THAP9: variants seen among roughly 807,000 people sequenced by gnomAD.
THAP9 encodes THAP domain containing 9.
THAP9 carries 20 observed loss-of-function variants against 35.7 expected under a neutral mutation model. The observed-to-expected ratio is 0.56, with a 90% confidence interval of 0.39 to 0.81. THAP9 has a LOEUF of 0.81. Among genes scored for constraint, THAP9 ranks in the 40% least tolerant of loss-of-function variants. The pLI is 0.00. For synonymous variants in THAP9, 335 were observed against 373.7 expected (o/e 0.90, Z 1.19); for missense variants, 870 against 1,047.4 (o/e 0.83, Z 2.34).
chr4:82,903,386 T>G (rs112115877), intron 1 of THAP9: 1 of 152,226 alleles, frequency 6.6e-6, no homozygotes, highest in South Asian at 2.1e-4. Context: ...CAGGCCCGGC[T>G]AATTTTTGTA....
intron 4 of THAP9, among the ~76,000 whole-genome samples, chr4:82,910,497 A>G (rs920364067): frequency 6.6e-6 from 1 of 150,512 alleles, no homozygotes; most frequent in Admixed American, 6.6e-5. Context: ...TGTTATATTA[A>G]TGGTATATAG....
chr4:82,913,969 T>C (rs1309818509), intron 4 of THAP9, among the ~76,000 whole-genome samples: 1 of 152,042 alleles, frequency 6.6e-6, no homozygotes. Flanking sequence ...ACTCCTGACC[T>C]CAGGTCATCT....
At position 82,900,992 on chromosome 4, in the gene THAP9, A is replaced by T. The variant is rs897258183; in HGVS notation, c.80+110A>T. On this transcript the variant is annotated intron_variant, in intron 1 of 4. Coordinates refer to ENST00000302236, the MANE Select transcript of THAP9 (RefSeq NM_024672.6). ...CACTGTGGGTCGCGCCGCGTGTGTGACGCGACGTGACGTGCGCAGCGTCGG... is the reference window on the plus strand; with the variant it reads ...CACTGTGGGTCGCGCCGCGTGTGTGTCGCGACGTGACGTGCGCAGCGTCGG... The T allele has an allele frequency of 1.7e-5, 22 of 1,265,266 alleles. No individual in the cohort carries two copies. The Middle Eastern group carries it at 3.0e-3, about 170-fold the overall frequency. The allele number at this position is 1,265,266 out of a possible 1,614,324, so 78.4% of individuals were successfully genotyped here.
At position 82,906,589 on chromosome 4, in the gene THAP9, C is replaced by G. The variant is rs779461904; in HGVS notation, c.542C>G (p.Ser181Cys). The G allele has an allele frequency of 3.1e-6, 5 of 1,609,802 alleles. No individual in the cohort carries two copies. Among genetic ancestry groups the G allele is most frequent in the Non-Finnish European group, 4.2e-6 (5 of 1,177,794 alleles). Residue 181 changes from serine (S) to cysteine (C), a missense_variant, in exon 3 of 5, where the codon TCT becomes TGT. This residue lies in a region of THAP9 where 440 missense variants were observed against 501.2 expected (regional missense o/e 0.88). Coordinates refer to ENST00000302236, the MANE Select transcript of THAP9 (RefSeq NM_024672.6). ...IDALVEEKLL[S>C]EETECLLRAQ... is the part of the protein sequence containing the mutation. ...GCACTTGTAGAAGAGAAACTACTTTCTGAAGAAACAGAGTGTCTGCTACGA... is the reference window on the plus strand; with the variant it reads ...GCACTTGTAGAAGAGAAACTACTTTGTGAAGAAACAGAGTGTCTGCTACGA...
intron 1 of THAP9, among the ~76,000 whole-genome samples, chr4:82,901,365 G>C (rs981238778): frequency 3.9e-5 from 6 of 152,122 alleles, no homozygotes; most frequent in African/African-American, 1.4e-4. Context: ...AGTTTCATTT[G>C]GCTCGACAGT....
At chr4:82,908,771 T>C (rs1349192475) in intron 4 of THAP9, among the ~76,000 whole-genome samples, 1 of 152,166 alleles carries the variant, frequency 6.6e-6, no homozygotes, top group Non-Finnish European at 1.5e-5. Flanking sequence ...CTATTTTGTA[T>C]TTTTAGTAGA....
At position 82,919,851 on chromosome 4, in the gene THAP9, CTT is replaced by C. The variant is rs1421068791; in HGVS notation, c.*932_*933del. The C allele has an allele frequency of 1.3e-5, 2 of 152,182 alleles. No homozygotes were observed. The highest frequency in any genetic ancestry group is 2.9e-5 in the Non-Finnish European group (2 of 68,024). The allele number at this position is 152,182 out of a possible 1,614,324, so 9.4% of individuals were successfully genotyped here. ...TCACCTGTGTTGTAAAACATCTACTCTTTTTTGTCACTGAATAAGTGTTCCCA... is the reference window on the plus strand; with the variant it reads ...TCACCTGTGTTGTAAAACATCTACTCTTTTGTCACTGAATAAGTGTTCCCA... On this transcript the variant is annotated 3_prime_UTR_variant, in exon 5 of 5. Coordinates refer to ENST00000302236, the MANE Select transcript of THAP9 (RefSeq NM_024672.6).
At chr4:82,914,077 G>T (rs1720960703) in intron 4 of THAP9, among the ~76,000 whole-genome samples, 1 of 152,184 alleles carries the variant, frequency 6.6e-6, no homozygotes, top group Non-Finnish European at 1.5e-5. Context: ...TTGAGAACAT[G>T]CAGTATTTGG....
At position 82,918,284 on chromosome 4, in the gene THAP9, G is replaced by T. The variant is rs1173969644; in HGVS notation, c.2072G>T (p.Gly691Val). ...SVTKTVFHEE[G>V]ICQDWSHCSL... ...ACAAAGACTGTCTTTCACGAAGAGG[G>T]TATTTGTCAAGACTGGTCTCATTGT... is the stretch of plus-strand genomic sequence containing the variant. The change falls in exon 5 of 5, where the codon GGT becomes GTT. Residue 691 changes from glycine to valine, a missense_variant. Transcript: ENST00000302236. The T allele has an allele frequency of 4.3e-6, 7 of 1,614,036 alleles. No homozygotes were observed. The African/African-American group carries it at 5.3e-5, about 12-fold the overall frequency.
rs1374366494 is a variant in THAP9, at chr4:82,906,646, C to G, written c.580+19C>G. 2 of 1,539,872 alleles carry G rather than the reference C, an allele frequency of 1.3e-6. No homozygotes were observed. The highest frequency in any genetic ancestry group is 1.7e-6 in the Non-Finnish European group (2 of 1,145,118). On this transcript the variant is annotated intron_variant, in intron 3 of 4. Transcript: ENST00000302236. The stretch of plus-strand genomic sequence containing the variant: ...TTTTCAGGTACTTCCCCCTAGTAAC[C>G]TGTAGTATTTACAAAAATAGCTATT...
chr4:82,906,219 C>G (rs1325269039), intron 2 of THAP9, 105 bp from the exon 3 acceptor site: 4 of 929,410 alleles, frequency 4.3e-6, no homozygotes, highest in Non-Finnish European at 6.3e-6. Context: ...TCCTAACTAA[C>G]TCTCCACAGC....
chr4:82,909,440 G>GTGTGTA (rs10693899), intron 4 of THAP9, among the ~76,000 whole-genome samples: 1 of 151,660 alleles, frequency 6.6e-6, no homozygotes, highest in African/African-American at 2.4e-5. Context: ...GTGTGTGTGT[G>GTGTGTA]CACTTAGATT....
chr4:82,916,866 T>A, intron 4 of THAP9, 78 bp from the exon 5 acceptor site: 2 of 1,333,468 alleles, frequency 1.5e-6, no homozygotes, highest in Non-Finnish European at 2.0e-6. Flanking sequence ...GGGAGACTAC[T>A]TTAATAGTGC....
rs1398163505 is a variant in THAP9, at chr4:82,906,559, T to C, written c.512T>C (p.Ile171Thr). 1 of 1,613,110 alleles carries C rather than the reference T, an allele frequency of 6.2e-7. No individual in the cohort carries two copies. The highest frequency in any genetic ancestry group is 2.2e-5 in the East Asian group (1 of 44,848). ...AAGAAGAGAAAGGGTTTACGATTAATTGATGCACTTGTAGAAGAGAAACTA... is the reference window on the plus strand; with the variant it reads ...AAGAAGAGAAAGGGTTTACGATTAACTGATGCACTTGTAGAAGAGAAACTA... ...MIKKRKGLRL[I>T]DALVEEKLLS... Residue 171 changes from isoleucine (I) to threonine (T), a missense_variant, in exon 3 of 5, where the codon ATT (isoleucine) becomes ACT (threonine). Transcript: ENST00000302236.
intron 3 of THAP9, 80 bp from the exon 4 acceptor site, chr4:82,907,705 C>T: frequency 9.7e-7 from 1 of 1,029,432 alleles, no homozygotes; most frequent in South Asian, 1.8e-5. Flanking sequence ...ATGCCCAGTG[C>T]ATTTTATATC....
At chr4:82,914,405 C>T (rs1720972766) in intron 4 of THAP9, among the ~76,000 whole-genome samples, 1 of 152,126 alleles carries the variant, frequency 6.6e-6, no homozygotes, top group South Asian at 2.1e-4. Context: ...AATCACTTTC[C>T]ACAACAATTG....
Position 82,918,082 on chromosome 4 carries a change from G to T in THAP9, c.1870G>T (p.Val624Leu), listed in dbSNP as rs781489572. The change falls in exon 5 of 5, where the codon GTA (valine) becomes TTA (leucine). Residue 624 changes from valine to leucine, a missense_variant. Val to Leu is a conservative substitution (Grantham distance 32). This residue lies in a region of THAP9 where 414 missense variants were observed against 500.8 expected (regional missense o/e 0.83). Coordinates refer to ENST00000302236, the MANE Select transcript of THAP9 (RefSeq NM_024672.6). ...LFLKMLRQVL[V>L]TSSSPTCMAF... ...TCTAAAGATGCTTAGGCAGGTATTA[G>T]TAACAAGTTCTAGCCCTACCTGCAT... The T allele has an allele frequency of 1.5e-5, 25 of 1,613,966 alleles. No homozygotes were observed. Among genetic ancestry groups the T allele is most frequent in the Non-Finnish European group, 2.0e-5 (24 of 1,179,984 alleles).
intron 1 of THAP9, 122 bp downstream of exon 1, chr4:82,901,004 G>T: frequency 8.4e-7 from 1 of 1,188,798 alleles, no homozygotes; most frequent in South Asian, 1.3e-5. Flanking sequence ...GCGACGTGAC[G>T]TGCGCAGCGT....
chr4:82,907,752 C>T (rs755411146), intron 3 of THAP9, 33 bp from the exon 4 acceptor site: 9 of 1,509,258 alleles, frequency 6.0e-6, no homozygotes, highest in South Asian at 5.1e-5. Flanking sequence ...TTTTACTATT[C>T]ATCACAAAGA....
Sources: gnomAD v4.1 joint callset for allele counts (sites outside exome capture counted in the v4.1 genomes callset) on GRCh38, gnomAD v4.1.1 for gene constraint, gnomAD v4.1.1 regional missense constraint, MANE v1.5 for transcripts, NCBI Gene and HGNC (gene_info 2026-07-23, HGNC 2026-07-21) for gene names.